ADGRD1: variants seen among roughly 807,000 people sequenced by gnomAD.
ADGRD1 encodes G-protein coupled receptor 133.
ADGRD1 carries 77 observed loss-of-function variants against 113.4 expected under a neutral mutation model. The observed-to-expected ratio is 0.68, with a 90% confidence interval of 0.57 to 0.82. The LOEUF (loss-of-function observed/expected upper bound fraction) is 0.82, where lower values mean the gene tolerates loss of function less well. Ranked by LOEUF, ADGRD1 falls within the 40% of genes least tolerant of loss-of-function variation. ADGRD1 has a pLI of 0.00. For synonymous variants in ADGRD1, 474 were observed against 475.0 expected (o/e 1.00, Z 0.03); for missense variants, 1,036 against 1,139.1 (o/e 0.91, Z 1.30).
Position 131,140,953 on chromosome 12 carries a change from GAGTCCCATGTTTAGTATGGACTAA to G in ADGRD1, c.*1705_*1728del, listed in dbSNP as rs1343762133. The G allele has an allele frequency of 1.3e-5, 2 of 152,286 alleles. No individual in the cohort carries two copies. Among genetic ancestry groups the G allele is most frequent in the Non-Finnish European group, 2.9e-5 (2 of 68,088 alleles). The allele number at this position is 152,286 out of a possible 1,614,324, so 9.4% of individuals were successfully genotyped here. On this transcript the variant is annotated 3_prime_UTR_variant, in exon 25 of 25. Transcript: ENST00000261654. ...CAGGCCAAGGCCGCTGTTCAGTGAA[GAGTCCCATGTTTAGTATGGACTAA>G]AGTCCCATGTTTAGCCACTGCCCCA...
intron 15 of ADGRD1, among the ~76,000 whole-genome samples, chr12:131,091,542 A>T (rs1004514006): frequency 6.6e-6 from 1 of 152,272 alleles, no homozygotes; most frequent in Non-Finnish European, 1.5e-5. Flanking sequence ...AAAGGACAAG[A>T]CGTAGACTAG....
chr12:130,983,930 A>T (rs1873320518), intron 5 of ADGRD1, among the ~76,000 whole-genome samples: 1 of 152,220 alleles, frequency 6.6e-6, no homozygotes, highest in Non-Finnish European at 1.5e-5. Flanking sequence ...AAGTCTGATG[A>T]ACATTCTTGT....
intron 13 of ADGRD1, among the ~76,000 whole-genome samples, chr12:131,046,313 G>A (rs1593113836): frequency 7.4e-6 from 1 of 135,752 alleles, no homozygotes; most frequent in Non-Finnish European, 1.6e-5. Context: ...CTCCCTCCCT[G>A]GTCAGTGTCC....
At chr12:131,071,433 C>CCATGTGAGTGGGAAGGTGT (rs1275793577) in intron 13 of ADGRD1, among the ~76,000 whole-genome samples, 1 of 152,058 alleles carries the variant, frequency 6.6e-6, no homozygotes, top group African/African-American at 2.4e-5. Flanking sequence ...AGAAGAGGAG[C>CCATGTGAGTGGGAAGGTGT]CATGTGAGTG....
chr12:131,028,802 G>A (rs1373626788), intron 13 of ADGRD1, among the ~76,000 whole-genome samples: 2 of 152,222 alleles, frequency 1.3e-5, no homozygotes, highest in African/African-American at 2.4e-5. Flanking sequence ...ATGCCGGTAC[G>A]ATTGCAACTG....
chr12:131,030,877 G>C (rs1206879368), intron 13 of ADGRD1: 1 of 152,226 alleles, frequency 6.6e-6, no homozygotes, highest in Non-Finnish European at 1.5e-5. Context: ...TTGTGTAGGA[G>C]AGACACTGAG....
chr12:130,968,173 A>G (rs1871227760), intron 3 of ADGRD1: 1 of 151,728 alleles, frequency 6.6e-6, no homozygotes, highest in African/African-American at 2.4e-5. Flanking sequence ...TAAATCAGTA[A>G]CTCTTGGTGC....
chr12:131,139,435 C>T lies in ADGRD1; in HGVS notation c.*172C>T, dbSNP rs1057046287. 8.5e-6 allele frequency: 5 copies of T among 591,336 alleles called. No individual in the cohort carries two copies. The Admixed American group carries it at 1.1e-4, about 13-fold the overall frequency. The allele number at this position is 591,336 out of a possible 1,614,324, so 36.6% of individuals were successfully genotyped here. On this transcript the variant is annotated 3_prime_UTR_variant, in exon 25 of 25. Transcript: ENST00000261654. The stretch of plus-strand genomic sequence containing the variant: ...ACTCTGGCTGTCGGAGCACACTGCT[C>T]AGCCCAGCAGCCTGATGCCCAGGCC...
At chr12:131,055,416 A>G (rs1883776326) in intron 13 of ADGRD1, among the ~76,000 whole-genome samples, 1 of 152,226 alleles carries the variant, frequency 6.6e-6, no homozygotes, top group Non-Finnish European at 1.5e-5. Context: ...GGGCTCATGT[A>G]CATATGGTTC....
At chr12:131,031,490 G>T (rs768362710) in intron 13 of ADGRD1, among the ~76,000 whole-genome samples, 6 of 152,060 alleles carry the variant, frequency 3.9e-5, no homozygotes, top group Non-Finnish European at 5.9e-5. Flanking sequence ...TTCTGTCGAC[G>T]AGTCACCCAT....
At position 131,136,065 on chromosome 12, in the gene ADGRD1, C is replaced by A; in HGVS notation, c.2296C>A (p.Leu766Met). The A allele has an allele frequency of 1.2e-6, 2 of 1,614,144 alleles. No homozygotes were observed. Among genetic ancestry groups the A allele is most frequent in the Non-Finnish European group, 1.7e-6 (2 of 1,179,958 alleles). ...KLTAKAVAVLLPILGTSWVFG... is the reference protein window; with the variant it reads ...KLTAKAVAVLMPILGTSWVFG... ...GACAGCCAAGGCAGTGGCCGTGCTG[C>A]TGCCCATCCTGGGTACCTCGTGGGT... Residue 766 changes from leucine (L) to methionine (M), a missense_variant, in exon 22 of 25, where the codon CTG becomes ATG. Coordinates refer to ENST00000261654, the MANE Select transcript of ADGRD1 (RefSeq NM_198827.5).
intron 15 of ADGRD1, among the ~76,000 whole-genome samples, chr12:131,093,194 C>G (rs1226313161): frequency 6.6e-6 from 1 of 152,172 alleles, no homozygotes; most frequent in African/African-American, 2.4e-5. Flanking sequence ...TTTGGCAGCA[C>G]AGTCCCACCT....
chr12:131,138,351 C>T, intron 24 of ADGRD1, 122 bp downstream of exon 24: 1 of 737,756 alleles, frequency 1.4e-6, no homozygotes, highest in Non-Finnish European at 2.3e-6. Context: ...TCTTTGTCCC[C>T]CTCTCATGCC....
intron 13 of ADGRD1, among the ~76,000 whole-genome samples, chr12:131,048,704 A>G (rs1190411333): frequency 6.6e-6 from 1 of 152,258 alleles, no homozygotes; most frequent in Non-Finnish European, 1.5e-5. Flanking sequence ...TGTTCTGAGA[A>G]ACCAGTCTTC....
intron 15 of ADGRD1, among the ~76,000 whole-genome samples, chr12:131,097,684 G>T (rs535546884): frequency 6.6e-6 from 1 of 152,316 alleles, no homozygotes; most frequent in East Asian, 1.9e-4. Context: ...GGGCTGCCCT[G>T]AGGGGAGACA....
At position 131,084,886 on chromosome 12, in the gene ADGRD1, C is replaced by T. The variant is rs779945896; in HGVS notation, c.1671+223C>T. ...CCGAGGAGCCCATGATTGTGTAAAT[C>T]GAGTCCAGTGTGGTGTGCTTCGCAC... is the stretch of plus-strand genomic sequence containing the variant. On this transcript the variant is annotated intron_variant, in intron 15 of 24. Transcript: ENST00000261654. The surrounding 1 kb of genome is among the most constrained non-coding windows in gnomAD (Gnocchi z 4.5). 3.9e-5 allele frequency among the ~76,000 whole-genome samples: 6 copies of T among 152,192 alleles called. No homozygotes were observed. Among genetic ancestry groups the T allele is most frequent in the Admixed American group, 1.3e-4 (2 of 15,288 alleles).
rs1254552687 is a variant in ADGRD1 at position 131,137,237 on chromosome 12, TGGA to T, written c.2436+225_2436+227del. The T allele has an allele frequency of 1.3e-5, 8 of 599,658 alleles. No homozygotes were observed. In the East Asian group the frequency reaches 2.2e-4, roughly 17 times the overall value. 37.1% of individuals were successfully genotyped at this position (599,658 alleles called of 1,614,324 possible). A position where few individuals can be genotyped will look rare whatever the true frequency, so the allele number is the denominator to read the frequency against. ...GCGATATGCAAGCATCCTCTCTCCC[TGGA>T]GAATTGGCGACTGCATCTTAGGGAG... On this transcript the variant is annotated intron_variant, in intron 23 of 24. Transcript: ENST00000261654.
At chr12:131,077,750 T>G (rs1356219791) in intron 14 of ADGRD1, among the ~76,000 whole-genome samples, 1 of 152,106 alleles carries the variant, frequency 6.6e-6, no homozygotes, top group Non-Finnish European at 1.5e-5. Context: ...TTGTTTTTGT[T>G]TTTTTGAGAC....
At position 130,987,215 on chromosome 12, in the gene ADGRD1, C is replaced by T. The variant is rs1873807217; in HGVS notation, c.611C>T (p.Ser204Phe). 2 of 1,614,118 alleles carry T rather than the reference C, an allele frequency of 1.2e-6. No individual in the cohort carries two copies. Among genetic ancestry groups the T allele is most frequent in the African/African-American group, 1.3e-5 (1 of 74,946 alleles). The change falls in exon 6 of 25, where the codon TCC becomes TTC. Residue 204 changes from serine (S) to phenylalanine (F), a missense_variant. Coordinates refer to ENST00000261654, the MANE Select transcript of ADGRD1 (RefSeq NM_198827.5). ...AAAGTGTCTCGTGACTATGGAGAGT[C>T]CAACGTCAACCTCGTGATAGGGTCT... ...SGKVSRDYGE[S>F]NVNLVIGSEQ...
Sources: allele counts gnomAD v4.1 joint callset (sites outside exome capture counted in the v4.1 genomes callset), GRCh38; gene constraint gnomAD v4.1.1; non-coding constraint Gnocchi (gnomAD v3.1); transcripts MANE v1.5; gene names NCBI Gene and HGNC (gene_info 2026-07-23, HGNC 2026-07-21).